MDN1: variants seen among roughly 807,000 people sequenced by gnomAD.
The protein encoded by MDN1 is midasin.
MDN1 carries 266 observed loss-of-function variants against 669.2 expected under a neutral mutation model. That is an observed-to-expected ratio of 0.40 (90% confidence interval 0.36 to 0.44). MDN1 has a LOEUF of 0.44. MDN1 is among the 20% of genes least tolerant of loss of function. The probability of loss-of-function intolerance (pLI) is 1.00; values close to 1 mark genes in which losing one functional copy is unlikely to be tolerated. For synonymous variants in MDN1, 2,385 were observed against 2,457.1 expected, an observed-to-expected ratio of 0.97 and a Z score of 0.87; for missense variants, 5,940 against 6,754.0, an observed-to-expected ratio of 0.88 and a Z score of 4.22.
At chr6:89,815,633 A>G (rs982216859) in intron 1 of MDN1, among the ~76,000 whole-genome samples, 1 of 152,018 alleles carries the variant, frequency 6.6e-6, no homozygotes, top group Non-Finnish European at 1.5e-5. Context: ...AGGTGGGGAG[A>G]ATTGTTCCTT....
rs1431217634 is a variant in MDN1, at chr6:89,700,751, T to C, written c.8533A>G (p.Ile2845Val). 6.2e-7 allele frequency: 1 copy of C among 1,614,180 alleles called. No individual in the cohort carries two copies. Among genetic ancestry groups the C allele is most frequent in the South Asian group, 1.1e-5 (1 of 91,088 alleles). Residue 2845 changes from isoleucine to valine, a missense_variant, in exon 56 of 102, where the codon ATT becomes GTT. This residue lies in a region of MDN1 where 2,292 missense variants were observed against 2,638.3 expected (regional missense o/e 0.87). Transcript: ENST00000369393. The stretch of plus-strand genomic sequence containing the variant: ...GAAGCAACCACTTGGAGACGGTTAA[T>C]GTCTTCCTGCCATCCACTCTCCCCA... ...ALGESGWQED[I>V]NRLQVVASQW...
rs1306436008 is a variant in MDN1, at chr6:89,759,493, G to A, written c.2461-533C>T. ...TAAGAATAATTCTGGGCTGGGTGTGGTGGCTCATGTCTGTAACCCCAGCAC... is the reference window on the plus strand; with the variant it reads ...TAAGAATAATTCTGGGCTGGGTGTGATGGCTCATGTCTGTAACCCCAGCAC... On this transcript the variant is annotated intron_variant, in intron 17 of 101. Transcript: ENST00000369393. 2.0e-5 allele frequency among the ~76,000 whole-genome samples: 3 copies of A among 152,292 alleles called. No homozygotes were observed. The East Asian group carries it at 5.8e-4, about 29-fold the overall frequency.
rs1438973223 is a variant in MDN1, at chr6:89,675,745, T to C, written c.12646-166A>G. 3.3e-5 allele frequency: 20 copies of C among 597,306 alleles called. No individual in the cohort carries two copies. The East Asian group carries it at 4.8e-4, about 14-fold the overall frequency. 37.0% of individuals were successfully genotyped at this position (597,306 alleles called of 1,614,324 possible). On this transcript the variant is annotated intron_variant, in intron 77 of 101. Coordinates refer to ENST00000369393, the MANE Select transcript of MDN1 (RefSeq NM_014611.3). Reference sequence around the variant, plus strand: ...TCTCCAATTATGCTTGCACAGATCATTGAGATTCCATAGACAGGAACTGGA... The same window carrying C: ...TCTCCAATTATGCTTGCACAGATCACTGAGATTCCATAGACAGGAACTGGA...
intron 5 of MDN1, among the ~76,000 whole-genome samples, chr6:89,792,674 ATT>A (rs72383790): frequency 0.042 from 6,100 of 146,522 alleles, 153 homozygotes; most frequent in South Asian, 0.12. Flanking sequence ...TTACATTTTA[ATT>A]TTTTTTTTTT....
At chr6:89,654,092 A>T in intron 93 of MDN1, 72 bp downstream of exon 93, 1 of 1,534,952 alleles carries the variant, frequency 6.5e-7, no homozygotes, top group South Asian at 1.2e-5. Context: ...ACCAGACTAG[A>T]TTATAGTGAG....
chr6:89,760,034 C>T lies in MDN1; in HGVS notation c.2461-1074G>A, dbSNP rs190349720. Among the ~76,000 whole-genome samples the T allele has an allele frequency of 2.8e-3, 421 of 149,574 alleles. 3 individuals are homozygous for T. The highest frequency in any genetic ancestry group is 1.6e-3 in the East Asian group (8 of 5,018). On this transcript the variant is annotated intron_variant, in intron 17 of 101. Transcript: ENST00000369393. Reference sequence around the variant, plus strand: ...TTGCAGTGAGCCAAGATTGCACCACCGCACTCCAGCCTGGGTGACAGAGTC... The same window carrying T: ...TTGCAGTGAGCCAAGATTGCACCACTGCACTCCAGCCTGGGTGACAGAGTC...
intron 29 of MDN1, among the ~76,000 whole-genome samples, chr6:89,744,186 A>G (rs1054729786): frequency 6.6e-6 from 1 of 151,864 alleles, no homozygotes; most frequent in African/African-American, 2.4e-5. Flanking sequence ...ACAGACTTTC[A>G]AGAGACACTA....
At chr6:89,757,030 C>A (rs973100615) in intron 19 of MDN1, among the ~76,000 whole-genome samples, 6 of 152,084 alleles carry the variant, frequency 3.9e-5, no homozygotes, top group Non-Finnish European at 7.4e-5. Flanking sequence ...CAAGCCCCCT[C>A]ATCATCAAAG....
At chr6:89,701,078 A>G (rs965556010) in intron 55 of MDN1, among the ~76,000 whole-genome samples, 5 of 152,242 alleles carry the variant, frequency 3.3e-5, no homozygotes, top group Admixed American at 3.3e-4. Context: ...GATAATATGT[A>G]GCAAATTACT....
intron 39 of MDN1, 138 bp downstream of exon 39, chr6:89,723,374 T>G (rs1018261343): frequency 3.4e-5 from 23 of 680,768 alleles, no homozygotes; most frequent in Non-Finnish European, 5.2e-5. Flanking sequence ...ATAGTGTCCC[T>G]TCCACTAGAA....
chr6:89,708,513 T>C lies in MDN1; in HGVS notation c.7881A>G (p.Leu2627=), dbSNP rs773818756. The stretch of plus-strand genomic sequence containing the variant: ...TCACTTACTTGTTTGCAGCTGATTC[T>C]AAAAGGGCAAAGAGCTGGTCAGGCT... The part of the protein sequence containing the change: ...TDQPDQLFAL[L]ESAANKTIIY... Residue 2627 remains leucine (L), a synonymous_variant, in exon 51 of 102, where the codon TTA becomes TTG. Coordinates refer to ENST00000369393, the MANE Select transcript of MDN1 (RefSeq NM_014611.3). The C allele has an allele frequency of 6.2e-7, 1 of 1,613,950 alleles. No individual in the cohort carries two copies. Among genetic ancestry groups the C allele is most frequent in the South Asian group, 1.1e-5 (1 of 91,044 alleles).
intron 79 of MDN1, 29 bp downstream of exon 79, chr6:89,674,075 G>C: frequency 6.2e-7 from 1 of 1,607,142 alleles, no homozygotes; most frequent in Non-Finnish European, 8.5e-7. Flanking sequence ...TAAGCACACA[G>C]AGAAGTGTAA....
intron 49 of MDN1, among the ~76,000 whole-genome samples, chr6:89,711,377 T>C (rs372200737): frequency 5.3e-5 from 8 of 152,182 alleles, no homozygotes; most frequent in Admixed American, 3.3e-4. Context: ...AAAAATAATA[T>C]AAATTTTAAA....
At chr6:89,687,735 C>T (rs1164747723) in intron 67 of MDN1, among the ~76,000 whole-genome samples, 1 of 152,122 alleles carries the variant, frequency 6.6e-6, no homozygotes, top group Non-Finnish European at 1.5e-5. Context: ...CCTTTTCTGT[C>T]CAATGGGGAG....
At chr6:89,680,313 C>T (rs1055826867) in intron 74 of MDN1, among the ~76,000 whole-genome samples, 2 of 152,218 alleles carry the variant, frequency 1.3e-5, no homozygotes, top group African/African-American at 2.4e-5. Context: ...TTACTGGTAA[C>T]ACCAACCAAC....
Position 89,664,620 on chromosome 6 carries a change from A to T in MDN1, c.14103T>A (p.Asp4701Glu), listed in dbSNP as rs746013548. 6.2e-7 allele frequency: 1 copy of T among 1,607,940 alleles called. No homozygotes were observed. Among genetic ancestry groups the T allele is most frequent in the Admixed American group, 1.7e-5 (1 of 59,454 alleles). Residue 4701 changes from aspartate (D) to glutamate (E), a missense_variant, in exon 85 of 102, where the codon GAT (aspartate) becomes GAA (glutamate). Physicochemically the swap from Asp to Glu is conservative, Grantham distance 45 (BLOSUM62 2). Around this residue, in one of 5 missense-constraint regions of MDN1, gnomAD observed 2,280 missense variants for 2,576.3 expected, o/e 0.88. Coordinates refer to ENST00000369393, the MANE Select transcript of MDN1 (RefSeq NM_014611.3). ...DQIGNEEQVEDTFQKGQEKDK... is the reference protein window; with the variant it reads ...DQIGNEEQVEETFQKGQEKDK... The stretch of plus-strand genomic sequence containing the variant: ...CTTTTTCTTGACCCTTCTGAAATGT[A>T]TCTTCCACCTACATAAAGAAGTATT...
Position 89,740,353 on chromosome 6 carries a change from C to A in MDN1, c.4474G>T (p.Val1492Leu), listed in dbSNP as rs1199699216. 6 of 1,588,000 alleles carry A rather than the reference C, an allele frequency of 3.8e-6. No homozygotes were observed. Among genetic ancestry groups the A allele is most frequent in the South Asian group, 1.2e-5 (1 of 86,212 alleles). ...TCTGGACTGCCTTTTTCAGCTAATA[C>A]CAGAGACTTTTCTACTTCAAGGACA... Reference protein sequence around the residue: ...NSVLEVEKSLVLAEKGSPEDK... With the variant: ...NSVLEVEKSLLLAEKGSPEDK... The change falls in exon 32 of 102, where the codon GTA (valine) becomes TTA (leucine). Residue 1492 changes from valine to leucine, a missense_variant. Val to Leu is a conservative substitution (Grantham distance 32, BLOSUM62 1). Around this residue, in one of 5 missense-constraint regions of MDN1, gnomAD observed 2,292 missense variants for 2,638.3 expected, o/e 0.87. Transcript: ENST00000369393.
chr6:89,757,447 T>C (rs187135095), intron 19 of MDN1, among the ~76,000 whole-genome samples: 3 of 152,312 alleles, frequency 2.0e-5, no homozygotes, highest in Admixed American at 6.5e-5. Context: ...TTTTCAACAA[T>C]ATCCACTGTC....
In MDN1 at chr6:89,718,853, G is replaced by A. The variant is rs772534998; in HGVS notation, c.6235C>T (p.Leu2079=). Residue 2079 remains leucine (L), a synonymous_variant, in exon 42 of 102, where the codon CTG becomes TTG. Transcript: ENST00000369393. ...AATGTGTGGCCAGTAAGGTGTGCCA[G>A]AAGCTGGACCAGGCTGGTCTTGCCC... ...SVGKTSLVQL[L]AHLTGHTLKI... 13 of 1,614,176 alleles carry A rather than the reference G, an allele frequency of 8.1e-6. No individual in the cohort carries two copies. Among genetic ancestry groups the A allele is most frequent in the Non-Finnish European group, 1.1e-5 (13 of 1,180,046 alleles).
Sources: gnomAD v4.1 joint callset for allele counts (sites outside exome capture counted in the v4.1 genomes callset) on GRCh38, gnomAD v4.1.1 for gene constraint, gnomAD v4.1.1 regional missense constraint, MANE v1.5 for transcripts, NCBI Gene and HGNC (gene_info 2026-07-23, HGNC 2026-07-21) for gene names.